MYO16: variants seen among roughly 807,000 people sequenced by gnomAD.
MYO16 encodes the protein myosin XVI, also known as unconventional myosin-XVI.
A neutral mutation model predicts 205.3 loss-of-function variants in MYO16; 94 were observed. The observed-to-expected ratio is 0.46, with a 90% CI of 0.39 to 0.54. MYO16 has a LOEUF of 0.54. Among genes scored for constraint, MYO16 ranks in the 20% least tolerant of loss-of-function variants. The pLI is 0.00. For synonymous variants in MYO16, 988 were observed against 954.0 expected, an observed-to-expected ratio of 1.04 and a Z score of -0.66; for missense variants, 2,315 against 2,387.5, an observed-to-expected ratio of 0.97 and a Z score of 0.63.
intron 2 of MYO16, among the ~76,000 whole-genome samples, chr13:108,680,566 C>G (rs1419453456): frequency 6.6e-6 from 1 of 152,166 alleles, no homozygotes; most frequent in East Asian, 1.9e-4. Context: ...GCAAAATTAG[C>G]TCTATGAGCA....
Position 109,127,490 on chromosome 13 carries a change from A to G in MYO16, c.3991A>G (p.Ser1331Gly). 1.2e-6 allele frequency: 2 copies of G among 1,613,658 alleles called. No individual in the cohort carries two copies. The highest frequency in any genetic ancestry group is 1.7e-6 in the Non-Finnish European group (2 of 1,179,966). Residue 1331 changes from serine (S) to glycine (G), a missense_variant, in exon 31 of 35, where the codon AGT (serine) becomes GGT (glycine). Around this residue, in one of 3 missense-constraint regions of MYO16, gnomAD observed 1,097 missense variants for 1,092.0 expected, o/e 1.00. Transcript: ENST00000457511. The surrounding 1 kb of genome is among the most constrained non-coding windows in gnomAD (Gnocchi z 4.2). ...AAAGAGGGACCCCAACACCCGGCTGAGTGCTTCCTATGAGGCTGTGAGCGC... is the reference window on the plus strand; with the variant it reads ...AAAGAGGGACCCCAACACCCGGCTGGGTGCTTCCTATGAGGCTGTGAGCGC... ...KPKRDPNTRL[S>G]ASYEAVSACL...
intron 16 of MYO16, among the ~76,000 whole-genome samples, chr13:108,915,170 C>T (rs996076854): frequency 1.3e-5 from 2 of 152,136 alleles, no homozygotes; most frequent in Admixed American, 1.3e-4. Flanking sequence ...TAGACATCAC[C>T]TCCTAAGGCT....
chr13:108,701,734 C>T (rs1024751108), intron 2 of MYO16, among the ~76,000 whole-genome samples: 7 of 151,558 alleles, frequency 4.6e-5, no homozygotes, highest in African/African-American at 1.7e-4. Flanking sequence ...TGAGAGAGCC[C>T]AGATATTAGA....
At chr13:109,061,649 A>G (rs1887598078) in intron 27 of MYO16, among the ~76,000 whole-genome samples, 1 of 152,182 alleles carries the variant, frequency 6.6e-6, no homozygotes, top group Non-Finnish European at 1.5e-5. Flanking sequence ...AAACAATTAT[A>G]ATAGTCACAG....
chr13:109,007,446 A>T (rs1389432487), intron 21 of MYO16, among the ~76,000 whole-genome samples: 2 of 152,030 alleles, frequency 1.3e-5, no homozygotes, highest in African/African-American at 4.8e-5. Context: ...TACAAAAGCA[A>T]GTTTGATGGC....
chr13:109,161,555 C>G (rs892459062), intron 32 of MYO16, among the ~76,000 whole-genome samples: 2 of 152,126 alleles, frequency 1.3e-5, no homozygotes, highest in Non-Finnish European at 2.9e-5. Context: ...GAATTGGCAC[C>G]TAATATACAC....
chr13:108,910,738 G>A (rs1045611722), intron 16 of MYO16, among the ~76,000 whole-genome samples: 5 of 152,122 alleles, frequency 3.3e-5, no homozygotes, highest in African/African-American at 1.2e-4. Flanking sequence ...CACAGGGATG[G>A]GTCCAGATTT....
intron 16 of MYO16, among the ~76,000 whole-genome samples, chr13:108,930,283 A>T (rs1882198494): frequency 6.6e-6 from 1 of 152,174 alleles, no homozygotes; most frequent in African/African-American, 2.4e-5. Flanking sequence ...GGCTGTCTTT[A>T]TAGTTCTCTG....
upstream of MYO16, among the ~76,000 whole-genome samples, chr13:108,592,580 G>A (rs1357351685): frequency 6.7e-6 from 1 of 149,134 alleles, no homozygotes; most frequent in East Asian, 2.0e-4. Context: ...GGAGGCTGTG[G>A]AGTGGAGTGG....
chr13:108,798,721 T>TTA (rs1886874945), intron 6 of MYO16, among the ~76,000 whole-genome samples: 3 of 100,468 alleles, frequency 3.0e-5, no homozygotes, highest in African/African-American at 3.9e-5. Flanking sequence ...TTTTTTGAGA[T>TTA]GGAGTCTCGC....
At chr13:108,777,374 G>T (rs1189016864) in intron 4 of MYO16, among the ~76,000 whole-genome samples, 3 of 152,172 alleles carry the variant, frequency 2.0e-5, no homozygotes, top group African/African-American at 7.2e-5. Flanking sequence ...GGGGGGTAAA[G>T]ATAATGCTGA....
chr13:108,868,361 T>A (rs900906975), intron 12 of MYO16, among the ~76,000 whole-genome samples: 5 of 152,210 alleles, frequency 3.3e-5, no homozygotes, highest in African/African-American at 1.2e-4. Context: ...CTCTAATTTG[T>A]GTTTCTCTGA....
At chr13:108,730,311 G>A (rs936186127) in intron 4 of MYO16, among the ~76,000 whole-genome samples, 1 of 152,146 alleles carries the variant, frequency 6.6e-6, no homozygotes. Context: ...CACCATGATT[G>A]TAAGTTTCCT....
chr13:109,111,933 A>C (rs1010653025), intron 28 of MYO16, among the ~76,000 whole-genome samples: 3 of 152,000 alleles, frequency 2.0e-5, no homozygotes, highest in African/African-American at 7.2e-5. Context: ...TGATCCACCC[A>C]CCTCGGCCTC....
In MYO16 at chr13:108,781,404, G is replaced by A. The variant is rs547901457; in HGVS notation, c.508-4231G>A. ...ACACTAGGGAGGTGGGGTGGCATAG[G>A]TAGGTGAAATATGGCTTTATTCAGC... On this transcript the variant is annotated intron_variant, in intron 4 of 34. Transcript: ENST00000457511. Among the ~76,000 whole-genome samples the A allele has an allele frequency of 9.8e-5, 15 of 152,334 alleles. No homozygotes were observed. In the South Asian group the frequency reaches 3.1e-3, roughly 32 times the overall value.
intron 4 of MYO16, among the ~76,000 whole-genome samples, chr13:108,761,511 C>T (rs943473492): frequency 5.9e-5 from 9 of 151,938 alleles, no homozygotes; most frequent in Admixed American, 3.3e-4. Context: ...TAATAGGTAG[C>T]GAAAGTATAG....
chr13:108,785,694 A>G lies in MYO16; in HGVS notation c.567A>G (p.Val189=). ...VNGNIPLDYA[V]EGTESSSILL... is the part of the protein sequence containing the mutation. ...GAAATATCCCATTAGATTATGCTGT[A>G]GAAGGGACAGAATCCAGCTCTATCC... The change falls in exon 5 of 35, where the codon GTA becomes GTG. Residue 189 remains valine (V), a synonymous_variant. Transcript: ENST00000457511. 2 of 1,613,766 alleles carry G rather than the reference A, an allele frequency of 1.2e-6. No homozygotes were observed. Among genetic ancestry groups the G allele is most frequent in the Non-Finnish European group, 1.7e-6 (2 of 1,179,890 alleles).
chr13:109,201,319 C>T (rs1459360084), intron 34 of MYO16: 4 of 152,036 alleles, frequency 2.6e-5, no homozygotes, highest in African/African-American at 9.6e-5. Flanking sequence ...TACTTAATCC[C>T]AATAACAAGG....
the MYO16 span, among the ~76,000 whole-genome samples, chr13:108,554,719 G>A: frequency 4.6e-5 from 7 of 151,742 alleles, no homozygotes; most frequent in East Asian, 1.9e-4. Flanking sequence ...GAGTGGTGGC[G>A]GGCGCCTGTA....
Sources: gnomAD v4.1 joint callset for allele counts (sites outside exome capture counted in the v4.1 genomes callset) on GRCh38, gnomAD v4.1.1 for gene constraint, gnomAD v4.1.1 regional missense constraint, Gnocchi (gnomAD v3.1) non-coding constraint, MANE v1.5 for transcripts, NCBI Gene and HGNC (gene_info 2026-07-23, HGNC 2026-07-21) for gene names.